SLC9A9: variants seen among roughly 807,000 people sequenced by gnomAD.
The protein encoded by SLC9A9 is sodium/hydrogen exchanger 9.
SLC9A9 carries 62 observed loss-of-function variants against 77.8 expected under a neutral mutation model. The ratio of observed to expected loss-of-function variants is 0.80; its 90% CI spans 0.65 to 0.98. The LOEUF (loss-of-function observed/expected upper bound fraction) is 0.98, where lower values mean the gene tolerates loss of function less well. Among genes scored for constraint, SLC9A9 ranks in the 50% least tolerant of loss-of-function variants. The probability of loss-of-function intolerance (pLI) is 0.00; values close to 1 mark genes in which losing one functional copy is unlikely to be tolerated. For synonymous variants in SLC9A9, 320 were observed against 283.5 expected (o/e 1.13, Z -1.29); for missense variants, 775 against 774.9 (o/e 1.00, Z 0.00).
chr3:143,323,911 T>C (rs948757368), intron 14 of SLC9A9, among the ~76,000 whole-genome samples: 1 of 152,188 alleles, frequency 6.6e-6, no homozygotes, highest in South Asian at 2.1e-4. Flanking sequence ...AACTGGCTTA[T>C]GTTAGTCTTT....
intron 4 of SLC9A9, among the ~76,000 whole-genome samples, chr3:143,794,175 A>C (rs777443277): frequency 3.9e-5 from 6 of 152,234 alleles, no homozygotes; most frequent in African/African-American, 1.4e-4. Context: ...CTGTAAGAGA[A>C]TGGGTGGAGG....
At chr3:143,284,045 T>A (rs1938303699) in intron 14 of SLC9A9, among the ~76,000 whole-genome samples, 1 of 152,118 alleles carries the variant, frequency 6.6e-6, no homozygotes, top group Admixed American at 6.5e-5. Flanking sequence ...GACCTTTTTT[T>A]TTTTTTTAAT....
chr3:143,815,938 G>T (rs940003274), intron 2 of SLC9A9, among the ~76,000 whole-genome samples: 1 of 152,142 alleles, frequency 6.6e-6, no homozygotes, highest in African/African-American at 2.4e-5. Flanking sequence ...CAGAGAGATC[G>T]AGAGACATGT....
chr3:143,799,828 A>G (rs1370562800), intron 2 of SLC9A9, among the ~76,000 whole-genome samples: 1 of 152,174 alleles, frequency 6.6e-6, no homozygotes, highest in Non-Finnish European at 1.5e-5. Context: ...TAACTCTCAC[A>G]GTGGAGGGTA....
chr3:143,601,073 A>G (rs190376067), intron 6 of SLC9A9, among the ~76,000 whole-genome samples: 1 of 152,324 alleles, frequency 6.6e-6, no homozygotes, highest in East Asian at 1.9e-4. Context: ...AACAGTCTCA[A>G]TAATGACAGT....
At chr3:143,435,218 T>G (rs901068251) in intron 12 of SLC9A9, among the ~76,000 whole-genome samples, 6 of 152,208 alleles carry the variant, frequency 3.9e-5, no homozygotes, top group Admixed American at 1.3e-4. Context: ...CTGGTTATAC[T>G]GTAAGCATCT....
intron 12 of SLC9A9, among the ~76,000 whole-genome samples, chr3:143,402,631 T>C (rs2108513161): frequency 6.6e-6 from 1 of 152,032 alleles, no homozygotes; most frequent in East Asian, 1.9e-4. Context: ...CATCTCTCCA[T>C]ATGTCATAAG....
rs115801323 is a variant in SLC9A9 at position 143,796,584 on chromosome 3, G to T, written c.456+242C>A. Among the ~76,000 whole-genome samples, 541 of 152,160 alleles carry T rather than the reference G, an allele frequency of 3.6e-3. 2 individuals carry two copies. Among genetic ancestry groups the T allele is most frequent in the Non-Finnish European group, 6.0e-3 (408 of 67,990 alleles). On this transcript the variant is annotated intron_variant, in intron 3 of 15. Transcript: ENST00000316549. ...GTATTTTACACTTAAAGAACATCTC[G>T]ATTCAGACAAGACGCATTTCAAGAG...
At chr3:143,521,712 T>C (rs2036302217) in intron 9 of SLC9A9, among the ~76,000 whole-genome samples, 1 of 152,110 alleles carries the variant, frequency 6.6e-6, no homozygotes, top group African/African-American at 2.4e-5. Context: ...TTTCCTTGGG[T>C]GGATTACTCT....
At chr3:143,306,756 A>G (rs2030802551) in intron 14 of SLC9A9, among the ~76,000 whole-genome samples, 1 of 152,156 alleles carries the variant, frequency 6.6e-6, no homozygotes, top group South Asian at 2.1e-4. Context: ...TGATGGTTCT[A>G]AAAAATAGAT....
intron 11 of SLC9A9, among the ~76,000 whole-genome samples, chr3:143,469,332 A>G (rs73008856): frequency 6.6e-6 from 1 of 152,202 alleles, no homozygotes; most frequent in African/African-American, 2.4e-5. Context: ...CATGCAAGAC[A>G]TTTATAGTCC....
chr3:143,736,104 C>G (rs772596829), intron 4 of SLC9A9, among the ~76,000 whole-genome samples: 1 of 152,114 alleles, frequency 6.6e-6, no homozygotes, highest in Non-Finnish European at 1.5e-5. Context: ...TGGAACCTCC[C>G]ATTTGGCTCA....
At chr3:143,387,634 C>T (rs2033459159) in intron 12 of SLC9A9, among the ~76,000 whole-genome samples, 1 of 152,114 alleles carries the variant, frequency 6.6e-6, no homozygotes, top group South Asian at 2.1e-4. Flanking sequence ...CCGGGTTCCT[C>T]ATTTACAATG....
At chr3:143,483,930 A>G (rs576014186) in intron 11 of SLC9A9, among the ~76,000 whole-genome samples, 120 of 95,022 alleles carry the variant, frequency 1.3e-3, no homozygotes, top group Non-Finnish European at 3.4e-3. Context: ...TCTTGTTCGC[A>G]CAAATACCTA....
At chr3:143,756,620 T>A (rs1279629263) in intron 4 of SLC9A9, among the ~76,000 whole-genome samples, 1 of 152,196 alleles carries the variant, frequency 6.6e-6, no homozygotes, top group Non-Finnish European at 1.5e-5. Context: ...CTGGAGAGAA[T>A]GTTGTTTTGT....
intron 4 of SLC9A9, among the ~76,000 whole-genome samples, chr3:143,793,126 G>A (rs1300304748): frequency 6.6e-6 from 1 of 152,044 alleles, no homozygotes; most frequent in East Asian, 1.9e-4. Context: ...TCCATTATAA[G>A]TTGTTGGACA....
chr3:143,620,388 C>A (rs796703747), intron 6 of SLC9A9: 4 of 152,406 alleles, frequency 2.6e-5, no homozygotes, highest in African/African-American at 9.6e-5. Flanking sequence ...ACATAGTAAA[C>A]ACTCAAGTGT....
intron 4 of SLC9A9, among the ~76,000 whole-genome samples, chr3:143,754,400 G>C (rs1484426669): frequency 6.6e-6 from 1 of 152,098 alleles, no homozygotes; most frequent in Non-Finnish European, 1.5e-5. Flanking sequence ...TTCTTTCTTT[G>C]TTATGGTTTT....
At chr3:143,560,430 C>G (rs192668043) in intron 8 of SLC9A9, among the ~76,000 whole-genome samples, 81 of 151,634 alleles carry the variant, frequency 5.3e-4, no homozygotes, top group African/African-American at 1.6e-3. Context: ...TTTTGTTACC[C>G]TTTTTTTTGG....
Sources: allele counts gnomAD v4.1 joint callset (sites outside exome capture counted in the v4.1 genomes callset), GRCh38; gene constraint gnomAD v4.1.1; transcripts MANE v1.5; gene names NCBI Gene and HGNC (gene_info 2026-07-23, HGNC 2026-07-21).